NEDD9: variants seen among roughly 807,000 people sequenced by gnomAD.
The protein encoded by NEDD9 is neural precursor cell expressed, developmentally down-regulated 9.
A neutral mutation model predicts 76.6 loss-of-function variants in NEDD9; 26 were observed. The ratio of observed to expected loss-of-function variants is 0.34; its 90% CI spans 0.25 to 0.47. The LOEUF (loss-of-function observed/expected upper bound fraction) is 0.47. NEDD9 is among the 20% of genes least tolerant of loss of function. NEDD9 has a pLI of 1.00. For synonymous variants in NEDD9, 392 were observed against 414.2 expected, an observed-to-expected ratio of 0.95 and a Z score of 0.65; for missense variants, 937 against 1,058.5, an observed-to-expected ratio of 0.89 and a Z score of 1.59.
rs191350162 is a variant in NEDD9 at position 11,380,110 on chromosome 6, C to G, written c.-214+2029G>C. Among the ~76,000 whole-genome samples, 290 of 152,330 alleles carry G rather than the reference C, an allele frequency of 1.9e-3. 1 individual carries two copies. The highest frequency in any genetic ancestry group is 6.7e-3 in the African/African-American group (279 of 41,566). ...AGAAGAGGAGGAGGAGGATCTTCCCCCACTACAACCCTTGAATGGATATGT... is the reference window on the plus strand; with the variant it reads ...AGAAGAGGAGGAGGAGGATCTTCCCGCACTACAACCCTTGAATGGATATGT... On this transcript the variant is annotated intron_variant, in intron 1 of 3. Transcript: ENST00000397378.
At chr6:11,289,577 C>T (rs547202620) in intron 3 of NEDD9, among the ~76,000 whole-genome samples, 2 of 152,228 alleles carry the variant, frequency 1.3e-5, no homozygotes, top group African/African-American at 2.4e-5. Flanking sequence ...CTCAGCCTCC[C>T]GAGTAGCTGG....
intron 2 of NEDD9, among the ~76,000 whole-genome samples, chr6:11,317,474 A>G (rs1381226019): frequency 6.6e-6 from 1 of 152,014 alleles, no homozygotes; most frequent in Non-Finnish European, 1.5e-5. Context: ...CCTGGGGACT[A>G]TCACTCCTAG....
chr6:11,334,302 A>G (rs993377527), intron 2 of NEDD9, among the ~76,000 whole-genome samples: 49 of 152,360 alleles, frequency 3.2e-4, no homozygotes, highest in African/African-American at 1.0e-3. Context: ...TATTCCTTAT[A>G]CATTTTAAAT....
At chr6:11,276,462 G>GT (rs1045806213) in intron 3 of NEDD9, among the ~76,000 whole-genome samples, 1 of 152,180 alleles carries the variant, frequency 6.6e-6, no homozygotes, top group African/African-American at 2.4e-5. Flanking sequence ...TATCTAAAAT[G>GT]TAAGTTCCTT....
intron 1 of NEDD9, among the ~76,000 whole-genome samples, chr6:11,345,769 C>T (rs1442524323): frequency 3.9e-5 from 6 of 152,238 alleles, no homozygotes; most frequent in African/African-American, 1.4e-4. Flanking sequence ...TGGTTGCAAA[C>T]ACCAATACAG....
intron 3 of NEDD9, among the ~76,000 whole-genome samples, chr6:11,295,579 C>A (rs942826928): frequency 6.6e-6 from 1 of 152,156 alleles, no homozygotes; most frequent in African/African-American, 2.4e-5. Flanking sequence ...GCACAGCACA[C>A]CTCCTCCCTC....
chr6:11,196,326 C>A (rs919204794), intron 2 of NEDD9, among the ~76,000 whole-genome samples: 3 of 151,960 alleles, frequency 2.0e-5, no homozygotes, highest in African/African-American at 7.3e-5. Flanking sequence ...AACAAACAAA[C>A]AAACAAAAAA....
At chr6:11,200,882 T>C in intron 2 of NEDD9, 1 of 1,605,118 alleles carries the variant, frequency 6.2e-7, no homozygotes, top group Non-Finnish European at 8.5e-7. Context: ...TTTCCAAGTC[T>C]AGGAGATGAA....
At chr6:11,319,812 A>G (rs1761741779) in intron 2 of NEDD9, among the ~76,000 whole-genome samples, 1 of 150,244 alleles carries the variant, frequency 6.7e-6, no homozygotes, top group Non-Finnish European at 1.5e-5. Flanking sequence ...ACTGGTGCAC[A>G]CTTGCACTAA....
At chr6:11,330,775 T>C (rs144977893) in intron 2 of NEDD9, among the ~76,000 whole-genome samples, 15 of 152,300 alleles carry the variant, frequency 9.8e-5, no homozygotes, top group African/African-American at 3.4e-4. Context: ...CCACAAAACA[T>C]AAAATGATTT....
Position 11,240,259 on chromosome 6 carries a change from G to A in NEDD9, c.13-26532C>T, listed in dbSNP as rs895915782. On this transcript the variant is annotated intron_variant, in intron 3 of 3. Coordinates refer to the NEDD9 transcript ENST00000397378. ...TCTAGATCTTCTAGGTTACAGCGAC[G>A]CGGTGGGTCTCCACACTGTGAAGAC... is the stretch of plus-strand genomic sequence containing the variant. 2.6e-5 allele frequency among the ~76,000 whole-genome samples: 4 copies of A among 152,060 alleles called. 1 individual carries two copies. The highest frequency in any genetic ancestry group is 4.1e-4 in the South Asian group (2 of 4,822).
rs57803150 is a variant in NEDD9 at position 11,294,006 on chromosome 6, A to AGTGTGTGTGT, written c.12+11976_12+11985dup. Among the ~76,000 whole-genome samples the AGTGTGTGTGT allele has an allele frequency of 1.2e-3, 186 of 151,062 alleles. 1 individual carries two copies. Among genetic ancestry groups the AGTGTGTGTGT allele is most frequent in the African/African-American group, 3.6e-3 (149 of 41,238 alleles). On this transcript the variant is annotated intron_variant, in intron 3 of 3. Coordinates refer to the NEDD9 transcript ENST00000397378. ...AGGCTGAATAGAATTCCATTGTGTAAGTGTGTGTGTGTGTGTATGTGTGTA... is the reference window on the plus strand; with the variant it reads ...AGGCTGAATAGAATTCCATTGTGTAAGTGTGTGTGTGTGTGTGTGTGTGTGTATGTGTGTA...
chr6:11,309,634 A>T (rs73362867), intron 2 of NEDD9, among the ~76,000 whole-genome samples: 2,097 of 152,204 alleles, frequency 0.014, 49 homozygotes, highest in African/African-American at 0.048. Context: ...AATAGCTCCC[A>T]TTGCTTCTGA....
chr6:11,310,351 C>T (rs1225740713), intron 2 of NEDD9, among the ~76,000 whole-genome samples: 2 of 152,248 alleles, frequency 1.3e-5, no homozygotes, highest in Admixed American at 6.5e-5. Flanking sequence ...TTCCCTACTT[C>T]ACCCTCCTCT....
chr6:11,318,193 C>T (rs966076039), intron 2 of NEDD9, among the ~76,000 whole-genome samples: 2 of 152,142 alleles, frequency 1.3e-5, no homozygotes, highest in Non-Finnish European at 2.9e-5. Flanking sequence ...CCCCAGTTTG[C>T]CAACTCATTC....
At chr6:11,233,517 C>G, upstream of NEDD9, 1 of 518,836 alleles carries the variant, frequency 1.9e-6, no homozygotes, top group Non-Finnish European at 3.9e-6. Flanking sequence ...CAGCTTTGAA[C>G]ACTGCAGTGT....
At chr6:11,282,231 C>T (rs969549302) in intron 3 of NEDD9, among the ~76,000 whole-genome samples, 11 of 152,226 alleles carry the variant, frequency 7.2e-5, no homozygotes, top group African/African-American at 2.4e-4. Context: ...AACCTCTCAG[C>T]GACTTTTGCT....
At chr6:11,295,224 T>A (rs1422207025) in intron 3 of NEDD9, among the ~76,000 whole-genome samples, 3 of 152,248 alleles carry the variant, frequency 2.0e-5, no homozygotes, top group Non-Finnish European at 4.4e-5. Context: ...TATGTCTTCT[T>A]TTGACAAATG....
intron 3 of NEDD9, among the ~76,000 whole-genome samples, chr6:11,256,914 C>T (rs1760014574): frequency 6.6e-6 from 1 of 152,168 alleles, no homozygotes; most frequent in Non-Finnish European, 1.5e-5. Flanking sequence ...TGTAGGCTGA[C>T]CCACTCTCAC....
Sources: allele counts gnomAD v4.1 joint callset (sites outside exome capture counted in the v4.1 genomes callset), GRCh38; gene constraint gnomAD v4.1.1; transcripts MANE v1.5; gene names NCBI Gene and HGNC (gene_info 2026-07-23, HGNC 2026-07-21).